The following WWC1 variants were observed in gnomAD, a reference collection of about 807,000 sequenced individuals.
WWC1 encodes protein KIBRA.
In WWC1, 55 loss-of-function variants were observed where a neutral mutation model predicts 138.4. That is an observed-to-expected ratio of 0.40 (90% CI 0.32 to 0.50). The LOEUF is 0.50. Ranked by LOEUF, WWC1 falls within the 20% of genes least tolerant of loss-of-function variation. WWC1 has a pLI of 0.72. For missense variants in WWC1, 1,226 were observed against 1,420.4 expected (o/e 0.86, Z 2.20); for synonymous variants, 524 against 564.9 (o/e 0.93, Z 1.03).
Position 168,422,063 on chromosome 5 carries a change from C to A in WWC1, c.1240C>A (p.Arg414=), listed in dbSNP as rs376560859. 1.2e-6 allele frequency: 2 copies of A among 1,612,812 alleles called. No homozygotes were observed. The highest frequency in any genetic ancestry group is 2.2e-5 in the South Asian group (2 of 90,844). ...TGTGAGAGAACTGGAGGAAGCCACC[C>A]GGCAGGTGGCAACTCTGCACTCCCA... The part of the protein sequence containing the change: ...QLVRELEEAT[R]QVATLHSQLK... Residue 414 remains arginine, a synonymous_variant, in exon 10 of 23, where the codon CGG becomes AGG. Transcript: ENST00000265293.
chr5:168,413,485 T>C (rs763883099), intron 8 of WWC1, among the ~76,000 whole-genome samples: 2 of 152,208 alleles, frequency 1.3e-5, no homozygotes, highest in Non-Finnish European at 2.9e-5. Flanking sequence ...CTCTGCCTTA[T>C]AGATGAGGAT....
intron 1 of WWC1, among the ~76,000 whole-genome samples, chr5:168,370,309 G>A (rs1324923105): frequency 6.6e-6 from 1 of 152,174 alleles, no homozygotes; most frequent in East Asian, 1.9e-4. Context: ...GAATTTAAAA[G>A]GTGATGATCC....
intron 8 of WWC1, among the ~76,000 whole-genome samples, chr5:168,412,547 A>AT (rs977069827): frequency 1.1e-4 from 16 of 152,166 alleles, no homozygotes; most frequent in African/African-American, 3.9e-4. Flanking sequence ...CGGCCTTACC[A>AT]TACCATTTCG....
Position 168,357,808 on chromosome 5 carries a change from A to G in WWC1, c.120-13616A>G, listed in dbSNP as rs370545492. Among the ~76,000 whole-genome samples the G allele has an allele frequency of 2.1e-4, 32 of 152,298 alleles. No homozygotes were observed. The East Asian group carries it at 6.0e-3, about 28-fold the overall frequency. ...TAACATTCTATTTATTTTCTTCTTT[A>G]AAAAGAAATGATGGGAGAAAAACCC... is the stretch of plus-strand genomic sequence containing the variant. On this transcript the variant is annotated intron_variant, in intron 1 of 22. Coordinates refer to ENST00000265293, the MANE Select transcript of WWC1 (RefSeq NM_015238.3).
Position 168,414,390 on chromosome 5 carries a change from G to A in WWC1, c.984G>A (p.Glu328=), listed in dbSNP as rs1780437419. 1.2e-6 allele frequency: 2 copies of A among 1,609,150 alleles called. No individual in the cohort carries two copies. The highest frequency in any genetic ancestry group is 3.4e-5 in the Admixed American group (2 of 59,428). The change falls in exon 9 of 23, where the codon GAG becomes GAA. Residue 328 remains glutamate (E), a synonymous_variant. Transcript: ENST00000265293. ...LKIQLAKLDS[E]AWPGVLDSER... ...TCCAGCTGGCCAAGCTTGACAGTGAGGCCTGGCCTGGGGTGCTGGACTCAG... is the reference window on the plus strand; with the variant it reads ...TCCAGCTGGCCAAGCTTGACAGTGAAGCCTGGCCTGGGGTGCTGGACTCAG...
At chr5:168,349,143 C>T (rs994631562) in intron 1 of WWC1, among the ~76,000 whole-genome samples, 18 of 152,224 alleles carry the variant, frequency 1.2e-4, no homozygotes, top group African/African-American at 3.9e-4. Context: ...TTCCCCATCT[C>T]CACAATGAGA....
At chr5:168,377,455 C>T (rs1421810141) in intron 2 of WWC1, among the ~76,000 whole-genome samples, 4 of 152,194 alleles carry the variant, frequency 2.6e-5, no homozygotes, top group Admixed American at 6.5e-5. Context: ...TAAAGAGCTT[C>T]TGCACAGCAA....
In WWC1 at chr5:168,470,087, T is replaced by G. The variant is rs1018881614; in HGVS notation, c.*1070T>G. The G allele has an allele frequency of 2.6e-5, 4 of 152,100 alleles. No individual in the cohort carries two copies. Among genetic ancestry groups the G allele is most frequent in the Non-Finnish European group, 4.4e-5 (3 of 68,102 alleles). The allele number at this position is 152,100 out of a possible 1,614,324, so 9.4% of individuals were successfully genotyped here. On this transcript the variant is annotated 3_prime_UTR_variant, in exon 23 of 23. Coordinates refer to ENST00000265293, the MANE Select transcript of WWC1 (RefSeq NM_015238.3). ...CCCCAACCCAGGGGCTGGTAGGTGC[T>G]ACAGCTTGTGCTTCATGCTGCTCCT...
At chr5:168,311,384 C>G (rs1771064398) in intron 1 of WWC1, among the ~76,000 whole-genome samples, 1 of 152,164 alleles carries the variant, frequency 6.6e-6, no homozygotes, top group Non-Finnish European at 1.5e-5. Flanking sequence ...CGGGCTGCAA[C>G]AGGGAGGTGT....
chr5:168,461,869 C>T (rs2152892624), intron 20 of WWC1, among the ~76,000 whole-genome samples: 1 of 152,174 alleles, frequency 6.6e-6, no homozygotes, highest in Non-Finnish European at 1.5e-5. Flanking sequence ...AGACCAGCCT[C>T]AGCATTGAGA....
At position 168,469,861 on chromosome 5, in the gene WWC1, T is replaced by C. The variant is rs779229879; in HGVS notation, c.*844T>C. ...TCATTTCTTTCCCACCCATCCGCAG[T>C]CCTGGAAACATTTATTTTTTCTTTT... On this transcript the variant is annotated 3_prime_UTR_variant, in exon 23 of 23. Coordinates refer to ENST00000265293, the MANE Select transcript of WWC1 (RefSeq NM_015238.3). The C allele has an allele frequency of 1.3e-5, 2 of 152,184 alleles. No individual in the cohort carries two copies. The highest frequency in any genetic ancestry group is 2.4e-5 in the African/African-American group (1 of 41,434). The allele number at this position is 152,184 out of a possible 1,614,324, so 9.4% of individuals were successfully genotyped here.
chr5:168,408,735 T>A, intron 7 of WWC1, 82 bp downstream of exon 7: 1 of 1,567,750 alleles, frequency 6.4e-7, no homozygotes. Flanking sequence ...TGCCTTCTCA[T>A]GGCTCACCAG....
Position 168,404,607 on chromosome 5 carries a change from T to G in WWC1, c.591-1591T>G, listed in dbSNP as rs541022185. 3.3e-5 allele frequency among the ~76,000 whole-genome samples: 5 copies of G among 152,340 alleles called. No individual in the cohort carries two copies. In the South Asian group the frequency reaches 1.0e-3, roughly 32 times the overall value. On this transcript the variant is annotated intron_variant, in intron 5 of 22. Transcript: ENST00000265293. ...CAGGATTCCCCATGAGGGTTATTTT[T>G]AGCCCAGGACAGTTTGGTCTGTAGC... is the stretch of plus-strand genomic sequence containing the variant.
chr5:168,467,102 C>CA (rs1210803835), intron 21 of WWC1, among the ~76,000 whole-genome samples: 1 of 152,006 alleles, frequency 6.6e-6, no homozygotes, highest in Non-Finnish European at 1.5e-5. Context: ...ACTAAAGATA[C>CA]AAAAAATTAG....
At chr5:168,364,662 A>C (rs1002992492) in intron 1 of WWC1, among the ~76,000 whole-genome samples, 1 of 152,122 alleles carries the variant, frequency 6.6e-6, no homozygotes, top group African/African-American at 2.4e-5. Flanking sequence ...GATTGATTGA[A>C]ATGAGGGTGG....
At chr5:168,467,234 G>A (rs1311983780) in intron 21 of WWC1, among the ~76,000 whole-genome samples, 2 of 152,234 alleles carry the variant, frequency 1.3e-5, no homozygotes, top group Admixed American at 6.5e-5. Context: ...CTCCAGCCTG[G>A]GCGACAGAGC....
chr5:168,447,245 T>C (rs1755361261), intron 17 of WWC1, among the ~76,000 whole-genome samples: 1 of 152,230 alleles, frequency 6.6e-6, no homozygotes, highest in Admixed American at 6.5e-5. Context: ...TTCCGTATTA[T>C]TATTCTCTTA....
intron 15 of WWC1, among the ~76,000 whole-genome samples, chr5:168,434,090 T>A (rs577327708): frequency 1.3e-5 from 2 of 152,224 alleles, no homozygotes; most frequent in African/African-American, 2.4e-5. Context: ...AAGCCTGGGC[T>A]CCTCCAGCGA....
chr5:168,437,990 A>G (rs1219348149), intron 15 of WWC1, among the ~76,000 whole-genome samples: 1 of 152,168 alleles, frequency 6.6e-6, no homozygotes, highest in African/African-American at 2.4e-5. Context: ...TATTAGACAA[A>G]TATTTGTATA....
Sources: allele counts gnomAD v4.1 joint callset (sites outside exome capture counted in the v4.1 genomes callset), GRCh38; gene constraint gnomAD v4.1.1; transcripts MANE v1.5; gene names NCBI Gene and HGNC (gene_info 2026-07-23, HGNC 2026-07-21).